The following TBCD variants were observed in gnomAD, a reference collection of about 807,000 sequenced individuals.
TBCD encodes the protein tubulin-specific chaperone D.
A neutral mutation model predicts 169.3 loss-of-function variants in TBCD; 105 were observed. That is an observed-to-expected ratio of 0.62 (90% CI 0.53 to 0.73). The LOEUF (loss-of-function observed/expected upper bound fraction) is 0.73. Among genes scored for constraint, TBCD ranks in the 30% least tolerant of loss-of-function variants. The pLI, the probability that TBCD is intolerant of heterozygous loss-of-function variation, is 0.00. For missense variants in TBCD, 1,444 were observed against 1,600.1 expected (o/e 0.90, Z 1.66); for synonymous variants, 700 against 643.9 (o/e 1.09, Z -1.32).
At chr17:82,815,126 C>T (rs891903257) in intron 13 of TBCD, among the ~76,000 whole-genome samples, 192 bp downstream of exon 13, 10 of 152,206 alleles carry the variant, frequency 6.6e-5, no homozygotes, top group Non-Finnish European at 1.2e-4. Flanking sequence ...GCCGCGGGCA[C>T]GCCCAGAAGA....
chr17:82,830,140 C>T lies in TBCD; in HGVS notation c.1318+15206C>T, dbSNP rs183896921. The T allele has an allele frequency of 2.5e-6, 4 of 1,613,376 alleles. No homozygotes were observed. In the African/African-American group the frequency reaches 4.0e-5, roughly 16 times the overall value. On this transcript the variant is annotated intron_variant, in intron 13 of 38. Transcript: ENST00000355528. ...TCTGTGAACACACGTGTGAACCCGG[C>T]GTTAGGACACCCGGGCCCTCCTTCG...
At chr17:82,814,769 T>C (rs1417558406) in intron 12 of TBCD, 71 bp from the exon 13 acceptor site, 6 of 1,473,022 alleles carry the variant, frequency 4.1e-6, no homozygotes, top group Non-Finnish European at 5.7e-6. Flanking sequence ...GCTGTGCTCC[T>C]TGCCATGCTG....
rs1352055202 is a variant in TBCD, at chr17:82,927,338, G to C, written c.2609+15G>C. 1.2e-6 allele frequency: 2 copies of C among 1,611,242 alleles called. No homozygotes were observed. Among genetic ancestry groups the C allele is most frequent in the Admixed American group, 1.7e-5 (1 of 59,596 alleles). ...GTGGGCACCTGGTACGTACGTAGCAGTGGGTGAGCGCTTCTTCTGAGAAGC... is the reference window on the plus strand; with the variant it reads ...GTGGGCACCTGGTACGTACGTAGCACTGGGTGAGCGCTTCTTCTGAGAAGC... On this transcript the variant is annotated intron_variant, in intron 29 of 38. Coordinates refer to ENST00000355528, the MANE Select transcript of TBCD (RefSeq NM_005993.5).
chr17:82,769,773 A>G (rs1190369621), intron 5 of TBCD, among the ~76,000 whole-genome samples: 4 of 151,526 alleles, frequency 2.6e-5, no homozygotes. Flanking sequence ...GCTACTCAAG[A>G]GGCTGAGGCA....
chr17:82,918,042 A>T (rs1316768036), intron 23 of TBCD, among the ~76,000 whole-genome samples: 1 of 152,164 alleles, frequency 6.6e-6, no homozygotes, highest in Non-Finnish European at 1.5e-5. Context: ...TTCATTTCGA[A>T]ATAATTATAG....
Position 82,768,436 on chromosome 17 carries a change from A to C in TBCD, c.452A>C (p.Tyr151Ser), listed in dbSNP as rs370611069. The change falls in exon 5 of 39, where the codon TAC becomes TCC. Residue 151 changes from tyrosine to serine, a missense_variant. Transcript: ENST00000355528. Reference protein sequence around the residue: ...PKDHEAWETRYMLLLWLSVTC... With the variant: ...PKDHEAWETRSMLLLWLSVTC... ...ATTTTTTAGGCTTGGGAAACCCGCT[A>C]CATGCTTTTGCTCTGGCTCTCCGTG... 6.2e-7 allele frequency: 1 copy of C among 1,613,808 alleles called. No individual in the cohort carries two copies. The highest frequency in any genetic ancestry group is 8.5e-7 in the Non-Finnish European group (1 of 1,179,882).
intron 16 of TBCD, 26 bp from the exon 17 acceptor site, chr17:82,893,521 T>C: frequency 6.5e-7 from 1 of 1,536,248 alleles, no homozygotes; most frequent in Non-Finnish European, 8.9e-7. Context: ...ATTCTTCTTT[T>C]TCCCCCATTT....
Position 82,923,690 on chromosome 17 carries a change from A to ATAT in TBCD, c.2220_2222dup (p.Tyr741dup). 1 of 1,597,988 alleles carries ATAT rather than the reference A, an allele frequency of 6.3e-7. No individual in the cohort carries two copies. Among genetic ancestry groups the ATAT allele is most frequent in the Middle Eastern group, 1.7e-4 (1 of 5,788 alleles). ...CGGCCCTGGCTGCTCTATGCAGTGA[A>ATAT]TATTACATGAAGGAGCCGGGGGAGG... On this transcript the variant is annotated inframe_insertion, in exon 26 of 39. Coordinates refer to ENST00000355528, the MANE Select transcript of TBCD (RefSeq NM_005993.5). The surrounding 1 kb of genome is among the most constrained non-coding windows in gnomAD (Gnocchi z 4.6).
chr17:82,792,092 G>C (rs1367604072), intron 7 of TBCD, among the ~76,000 whole-genome samples: 1 of 152,162 alleles, frequency 6.6e-6, no homozygotes, highest in African/African-American at 2.4e-5. Context: ...GGTGGATCAC[G>C]AGGTCAAGAG....
chr17:82,845,641 T>C (rs1305208087), intron 13 of TBCD, among the ~76,000 whole-genome samples: 1 of 151,918 alleles, frequency 6.6e-6, no homozygotes, highest in Non-Finnish European at 1.5e-5. Flanking sequence ...CTCTCCGTCC[T>C]GCCCAGCCCA....
chr17:82,935,544 A>G (rs1307035733), intron 34 of TBCD, among the ~76,000 whole-genome samples: 1 of 142,788 alleles, frequency 7.0e-6, no homozygotes, highest in Non-Finnish European at 1.5e-5. Flanking sequence ...TTGTTTTCAT[A>G]TATTTGTTTG....
At chr17:82,834,846 G>A (rs371039249) in intron 13 of TBCD, among the ~76,000 whole-genome samples, 22 of 152,052 alleles carry the variant, frequency 1.4e-4, no homozygotes, top group African/African-American at 5.3e-4. Context: ...TAACCTACAC[G>A]TTCTGCACTT....
chr17:82,766,885 G>C (rs2048042404), intron 4 of TBCD, among the ~76,000 whole-genome samples: 1 of 152,256 alleles, frequency 6.6e-6, no homozygotes, highest in African/African-American at 2.4e-5. Flanking sequence ...CCCCAGCAGT[G>C]AGATGTGACC....
chr17:82,851,664 A>G (rs1368974693), intron 13 of TBCD, among the ~76,000 whole-genome samples: 3 of 152,206 alleles, frequency 2.0e-5, no homozygotes, highest in Non-Finnish European at 4.4e-5. Context: ...AGGAGGTGGA[A>G]GACAAAGATG....
chr17:82,771,902 C>T (rs867688823), intron 5 of TBCD, among the ~76,000 whole-genome samples: 1 of 149,876 alleles, frequency 6.7e-6, no homozygotes, highest in South Asian at 2.1e-4. Flanking sequence ...CCAGCCTGGG[C>T]GACAGAGCAA....
intron 13 of TBCD, chr17:82,860,252 C>T (rs1039577223): frequency 2.8e-5 from 11 of 399,942 alleles, no homozygotes; most frequent in Non-Finnish European, 3.0e-5. Flanking sequence ...TTGAGCAGAG[C>T]GGGTAGGAGC....
chr17:82,817,634 T>TG (rs1304762705), intron 13 of TBCD, among the ~76,000 whole-genome samples: 2 of 152,110 alleles, frequency 1.3e-5, no homozygotes, highest in Non-Finnish European at 2.9e-5. Flanking sequence ...TTTGTAGAGA[T>TG]GGGGGTCTCA....
intron 6 of TBCD, among the ~76,000 whole-genome samples, chr17:82,777,654 A>G (rs1030608354): frequency 1.3e-5 from 2 of 152,224 alleles, no homozygotes; most frequent in Admixed American, 1.3e-4. Flanking sequence ...CTTTTCACTA[A>G]TTTGCTACTG....
intron 14 of TBCD, among the ~76,000 whole-genome samples, chr17:82,871,294 C>T (rs1314105467): frequency 1.3e-5 from 2 of 152,228 alleles, no homozygotes; most frequent in South Asian, 2.1e-4. Flanking sequence ...TGGTTTTGTA[C>T]ACTGCTTTTG....
Sources: allele counts gnomAD v4.1 joint callset (sites outside exome capture counted in the v4.1 genomes callset), GRCh38; gene constraint gnomAD v4.1.1; non-coding constraint Gnocchi (gnomAD v3.1); transcripts MANE v1.5; gene names NCBI Gene and HGNC (gene_info 2026-07-23, HGNC 2026-07-21).